The following NRCAM variants were observed in gnomAD, a reference collection of about 807,000 sequenced individuals.
NRCAM encodes the protein NgCAM-related cell adhesion molecule.
NRCAM carries 83 observed loss-of-function variants against 156.5 expected under a neutral mutation model. The observed-to-expected ratio is 0.53, with a 90% CI of 0.44 to 0.64. The LOEUF (loss-of-function observed/expected upper bound fraction) is 0.64, where lower values mean the gene tolerates loss of function less well. Ranked by LOEUF, NRCAM falls within the 30% of genes least tolerant of loss-of-function variation. The pLI is 0.00. For synonymous variants in NRCAM, 538 were observed against 563.9 expected, an observed-to-expected ratio of 0.95 and a Z score of 0.65; for missense variants, 1,417 against 1,597.3, an observed-to-expected ratio of 0.89 and a Z score of 1.92.
At chr7:108,366,610 A>G (rs140477355) in intron 2 of NRCAM, among the ~76,000 whole-genome samples, 2,262 of 152,312 alleles carry the variant, frequency 0.015, 25 homozygotes, top group Middle Eastern at 0.031. Flanking sequence ...CTTTTACGAC[A>G]AAGAGTTGTT....
chr7:108,207,099 T>A (rs569752135), intron 13 of NRCAM: 2 of 156,514 alleles, frequency 1.3e-5, no homozygotes, highest in Non-Finnish European at 2.8e-5. Context: ...AAACTCTTTA[T>A]ATTAAGACAG....
intron 13 of NRCAM, among the ~76,000 whole-genome samples, chr7:108,205,068 G>C (rs2080408242): frequency 6.6e-6 from 1 of 152,168 alleles, no homozygotes; most frequent in African/African-American, 2.4e-5. Context: ...CTGAATATTT[G>C]TGTCCCTCCA....
intron 3 of NRCAM, chr7:108,243,336 G>A (rs2095664203): frequency 6.6e-6 from 1 of 152,120 alleles, no homozygotes. Context: ...AAATCAAATA[G>A]AGCTACAGAA....
At chr7:108,171,336 TAGCAA>T (rs2058335560) in intron 28 of NRCAM, among the ~76,000 whole-genome samples, 1 of 152,216 alleles carries the variant, frequency 6.6e-6, no homozygotes, top group Admixed American at 6.5e-5. Context: ...ACAAATTCCT[TAGCAA>T]AGCATTCATG....
At chr7:108,211,480 C>T (rs2084378892) in intron 11 of NRCAM, among the ~76,000 whole-genome samples, 2 of 152,178 alleles carry the variant, frequency 1.3e-5, no homozygotes, top group African/African-American at 4.8e-5. Flanking sequence ...GGTGGATAGT[C>T]TGGGGCAAGT....
intron 1 of NRCAM, among the ~76,000 whole-genome samples, chr7:108,401,016 T>C (rs2099790947): frequency 6.6e-6 from 1 of 152,158 alleles, no homozygotes; most frequent in Admixed American, 6.5e-5. Flanking sequence ...TCCCAGCACT[T>C]TGGGAGGCCC....
At chr7:108,239,325 A>G (rs1203597693) in intron 4 of NRCAM, among the ~76,000 whole-genome samples, 1 of 152,186 alleles carries the variant, frequency 6.6e-6, no homozygotes, top group Non-Finnish European at 1.5e-5. Context: ...GCATTTTGGC[A>G]TTTGACCACA....
intron 1 of NRCAM, among the ~76,000 whole-genome samples, chr7:108,452,934 A>G (rs1852138780): frequency 6.6e-6 from 1 of 152,340 alleles, no homozygotes; most frequent in East Asian, 1.9e-4. Context: ...GGGCTTTCTC[A>G]GATGTGCATT....
chr7:108,327,846 G>C (rs1193899664), intron 2 of NRCAM, among the ~76,000 whole-genome samples: 1 of 152,122 alleles, frequency 6.6e-6, no homozygotes, highest in African/African-American at 2.4e-5. Context: ...TAATCAAAAA[G>C]ATACATGAGT....
intron 1 of NRCAM, among the ~76,000 whole-genome samples, chr7:108,445,369 C>G (rs1843076687): frequency 6.6e-6 from 1 of 152,170 alleles, no homozygotes; most frequent in Admixed American, 6.5e-5. Flanking sequence ...CAGTCCTATC[C>G]TGCAGCATCA....
intron 2 of NRCAM, among the ~76,000 whole-genome samples, chr7:108,338,803 C>G (rs2099239888): frequency 6.6e-6 from 1 of 152,050 alleles, no homozygotes; most frequent in African/African-American, 2.4e-5. Context: ...CTGTAACACT[C>G]TAATACTACC....
chr7:108,374,991 T>C (rs2099667430), intron 2 of NRCAM, among the ~76,000 whole-genome samples: 1 of 152,150 alleles, frequency 6.6e-6, no homozygotes, highest in African/African-American at 2.4e-5. Flanking sequence ...GTACATGGAA[T>C]AGCACAGATG....
intron 2 of NRCAM, among the ~76,000 whole-genome samples, chr7:108,374,508 A>G (rs1401696564): frequency 6.6e-6 from 1 of 152,158 alleles, no homozygotes; most frequent in Non-Finnish European, 1.5e-5. Flanking sequence ...ACAACAGGCC[A>G]TCTGAATTCA....
chr7:108,184,211 G>C, intron 22 of NRCAM, 30 bp downstream of exon 22: 1 of 1,569,522 alleles, frequency 6.4e-7, no homozygotes, highest in Non-Finnish European at 8.8e-7. Context: ...CTAAAAAATA[G>C]CGAATAAATT....
intron 1 of NRCAM, among the ~76,000 whole-genome samples, chr7:108,421,451 T>A (rs1809717134): frequency 6.6e-6 from 1 of 152,106 alleles, no homozygotes; most frequent in African/African-American, 2.4e-5. Context: ...TCACCCCCAA[T>A]GAGAAATGTA....
chr7:108,194,044 C>T lies in NRCAM; in HGVS notation c.1758G>A (p.Arg586=). The T allele has an allele frequency of 1.9e-6, 3 of 1,614,016 alleles. No individual in the cohort carries two copies. The highest frequency in any genetic ancestry group is 2.5e-6 in the Non-Finnish European group (3 of 1,179,974). ...SLTVLWLKDN[R]ELPSDERFTV... ...AATACCTTTCATCACTGGGCAGTTCCCTGTTGTCCTTCAGCCACAGGACAG... is the reference window on the plus strand; with the variant it reads ...AATACCTTTCATCACTGGGCAGTTCTCTGTTGTCCTTCAGCCACAGGACAG... Residue 586 remains arginine (R), a synonymous_variant, in exon 17 of 33, where the codon AGG becomes AGA. Coordinates refer to ENST00000379028, the MANE Select transcript of NRCAM (RefSeq NM_001037132.4).
intron 2 of NRCAM, among the ~76,000 whole-genome samples, chr7:108,377,082 T>C (rs2099679113): frequency 6.6e-6 from 1 of 152,182 alleles, no homozygotes; most frequent in African/African-American, 2.4e-5. Context: ...GAGGATCAAT[T>C]GAGCCTGGGA....
chr7:108,413,159 T>C (rs536109711), intron 1 of NRCAM, among the ~76,000 whole-genome samples: 11 of 150,754 alleles, frequency 7.3e-5, no homozygotes, highest in Non-Finnish European at 1.5e-4. Context: ...AGTGAACAAG[T>C]GTTCTCTTTT....
intron 2 of NRCAM, among the ~76,000 whole-genome samples, chr7:108,390,101 T>C (rs746261784): frequency 2.6e-5 from 4 of 152,308 alleles, no homozygotes; most frequent in Non-Finnish European, 2.9e-5. Context: ...CCTTTTTCTA[T>C]TGATTGGAAT....
Sources: gnomAD v4.1 joint callset for allele counts (sites outside exome capture counted in the v4.1 genomes callset) on GRCh38, gnomAD v4.1.1 for gene constraint, MANE v1.5 for transcripts, NCBI Gene and HGNC (gene_info 2026-07-23, HGNC 2026-07-21) for gene names.